Variants in NEBL observed in about 807,000 individuals in gnomAD.
The protein encoded by NEBL is nebulette, also known as LIM and SH3 protein 2.
A neutral mutation model predicts 140.2 loss-of-function variants in NEBL; 122 were observed. The observed-to-expected ratio is 0.87, with a 90% CI of 0.75 to 1.01. The LOEUF (loss-of-function observed/expected upper bound fraction) is 1.01, where lower values mean the gene tolerates loss of function less well. NEBL is among the 50% of genes least tolerant of loss of function. The pLI is 0.00. For synonymous variants in NEBL, 436 were observed against 398.9 expected (o/e 1.09, Z -1.11); for missense variants, 1,365 against 1,231.3 (o/e 1.11, Z -1.62).
chr10:21,126,098 C>T (rs575901879), intron 2 of NEBL: 29 of 1,613,310 alleles, frequency 1.8e-5, no homozygotes, highest in South Asian at 8.8e-5. Context: ...AGGCCCTTCT[C>T]GGCTCTCCGT....
chr10:20,980,560 T>C (rs925288918), intron 3 of NEBL, among the ~76,000 whole-genome samples: 1 of 152,156 alleles, frequency 6.6e-6, no homozygotes, highest in African/African-American at 2.4e-5. Context: ...GCAGGTAGCA[T>C]GGAGGTGACC....
intron 1 of NEBL, among the ~76,000 whole-genome samples, chr10:21,275,360 A>C (rs1842907390): frequency 6.6e-6 from 1 of 152,194 alleles, no homozygotes; most frequent in African/African-American, 2.4e-5. Flanking sequence ...TTACCAGAGC[A>C]ACCTTCAATC....
intron 2 of NEBL, among the ~76,000 whole-genome samples, chr10:21,028,568 C>A (rs967905988): frequency 2.0e-5 from 3 of 151,990 alleles, no homozygotes; most frequent in Admixed American, 1.3e-4. Context: ...GTTGAGAGGG[C>A]ATATGAGAAT....
intron 25 of NEBL, 46 bp from the exon 26 acceptor site, chr10:20,808,705 A>G: frequency 6.4e-7 from 1 of 1,570,978 alleles, no homozygotes. Flanking sequence ...AGTGACTCGA[A>G]AAACAAAATC....
chr10:20,963,110 C>T (rs536425907), intron 3 of NEBL, among the ~76,000 whole-genome samples: 1 of 151,814 alleles, frequency 6.6e-6, no homozygotes, highest in African/African-American at 2.4e-5. Flanking sequence ...TCTGTACTTT[C>T]GATTTGTAAA....
At chr10:20,924,412 G>GAAAAA (rs1833764047) in intron 4 of NEBL, among the ~76,000 whole-genome samples, 1 of 20,524 alleles carries the variant, frequency 4.9e-5, no homozygotes. Context: ...CAGGCATGAA[G>GAAAAA]TAAAAAAAAA....
intron 2 of NEBL, among the ~76,000 whole-genome samples, chr10:21,160,859 A>AAGG (rs1491411185): frequency 1.9e-5 from 2 of 106,808 alleles, no homozygotes; most frequent in East Asian, 7.5e-4. Flanking sequence ...ACTTATTTCC[A>AAGG]GGGGGAAAAA....
chr10:21,090,619 C>G (rs1745126362), intron 2 of NEBL, among the ~76,000 whole-genome samples: 1 of 152,156 alleles, frequency 6.6e-6, no homozygotes, highest in South Asian at 2.1e-4. Flanking sequence ...ATTAGTCACA[C>G]TTAACACTTT....
intron 2 of NEBL, among the ~76,000 whole-genome samples, chr10:21,122,334 T>A (rs1838619895): frequency 6.6e-6 from 1 of 151,622 alleles, no homozygotes; most frequent in South Asian, 2.1e-4. Flanking sequence ...CCGGGATCTC[T>A]CCCACTGTTC....
intron 2 of NEBL, among the ~76,000 whole-genome samples, chr10:21,143,448 CAA>C (rs72021692): frequency 7.5e-5 from 5 of 66,470 alleles, no homozygotes; most frequent in Admixed American, 4.0e-4. Flanking sequence ...AACTTCATCT[CAA>C]AAAAAAAAAA....
At chr10:21,089,616 A>C (rs1055326293) in intron 2 of NEBL, among the ~76,000 whole-genome samples, 61 of 152,066 alleles carry the variant, frequency 4.0e-4, no homozygotes, top group African/African-American at 1.4e-3. Flanking sequence ...ACCTGGCAAA[A>C]AGTGGGTGAA....
chr10:20,854,731 ATTTCT>A (rs999179932), intron 9 of NEBL, among the ~76,000 whole-genome samples: 25 of 151,544 alleles, frequency 1.6e-4, no homozygotes, highest in African/African-American at 6.1e-4. Flanking sequence ...TGCCTAGCTA[ATTTCT>A]TTATTTTTTG....
At chr10:20,917,018 AT>A (rs1420816081) in intron 4 of NEBL, among the ~76,000 whole-genome samples, 2 of 152,214 alleles carry the variant, frequency 1.3e-5, no homozygotes, top group African/African-American at 2.4e-5. Context: ...TCAGACTATT[AT>A]TTAGTGAAAG....
chr10:21,209,660 T>A (rs1274364945), intron 3 of NEBL, among the ~76,000 whole-genome samples: 1 of 146,254 alleles, frequency 6.8e-6, no homozygotes, highest in South Asian at 2.1e-4. Context: ...TTTTTTTTTT[T>A]CTTTTTTTTT....
chr10:20,888,109 C>G lies in NEBL; in HGVS notation c.357G>C (p.Gln119His). The G allele has an allele frequency of 6.2e-7, 1 of 1,607,224 alleles. No individual in the cohort carries two copies. Among genetic ancestry groups the G allele is most frequent in the Non-Finnish European group, 8.5e-7 (1 of 1,173,800 alleles). The change falls in exon 4 of 28, where the codon CAG becomes CAC. Residue 119 changes from glutamine to histidine, a missense_variant. Gln to His is a conservative substitution (Grantham distance 24, BLOSUM62 0). Coordinates refer to ENST00000377122, the MANE Select transcript of NEBL (RefSeq NM_006393.3). ...IDSVFAGEVT[Q>H]LQSEVAYKQK... is the part of the protein sequence containing the mutation. Reference sequence around the variant, plus strand: ...AGAAAAACCCTACCTCACTCTGGAGCTGTGTAACTTCTCCTGCAAAAACAC... The same window carrying G: ...AGAAAAACCCTACCTCACTCTGGAGGTGTGTAACTTCTCCTGCAAAAACAC...
chr10:21,221,936 G>A (rs957384700), intron 3 of NEBL, among the ~76,000 whole-genome samples: 7 of 151,724 alleles, frequency 4.6e-5, no homozygotes, highest in Admixed American at 1.3e-4. Context: ...ACTGCATGGC[G>A]TTGAGTGATG....
At chr10:20,928,262 T>C (rs1024031565) in intron 4 of NEBL, among the ~76,000 whole-genome samples, 5 of 152,178 alleles carry the variant, frequency 3.3e-5, no homozygotes, top group Non-Finnish European at 7.3e-5. Flanking sequence ...GTGTTTACAT[T>C]TAAACTAAGT....
chr10:21,226,296 A>C (rs1376825782), intron 3 of NEBL, among the ~76,000 whole-genome samples: 1 of 151,618 alleles, frequency 6.6e-6, no homozygotes, highest in Admixed American at 6.6e-5. Flanking sequence ...CTCCTCAAGC[A>C]GAAGGAAGGA....
chr10:21,253,249 C>T (rs556110686), intron 1 of NEBL, among the ~76,000 whole-genome samples: 120 of 152,152 alleles, frequency 7.9e-4, no homozygotes, highest in Non-Finnish European at 1.4e-3. Context: ...CTTGCCTGGG[C>T]GACAAGAATG....
Sources: allele counts gnomAD v4.1 joint callset (sites outside exome capture counted in the v4.1 genomes callset), GRCh38; gene constraint gnomAD v4.1.1; transcripts MANE v1.5; gene names NCBI Gene and HGNC (gene_info 2026-07-23, HGNC 2026-07-21).